MDFIC2: variants seen among roughly 807,000 people sequenced by gnomAD.
The protein encoded by MDFIC2 is MyoD family inhibitor domain containing 2, also known as myoD family inhibitor domain-containing protein 2.
chr3:70,265,672 C>T (rs1701910710), intron 2 of MDFIC2, among the ~76,000 whole-genome samples: 1 of 152,188 alleles, frequency 6.6e-6, no homozygotes, highest in Non-Finnish European at 1.5e-5. Context: ...ATGTATTAGT[C>T]CATTCTCACA....
intron 2 of MDFIC2, among the ~76,000 whole-genome samples, chr3:70,242,981 C>T (rs944818643): frequency 1.3e-5 from 2 of 152,164 alleles, no homozygotes; most frequent in Non-Finnish European, 2.9e-5. Flanking sequence ...AACCTAAATA[C>T]TAATTTCCCA....
At chr3:70,280,666 A>G (rs943585105) in intron 2 of MDFIC2, among the ~76,000 whole-genome samples, 1 of 152,130 alleles carries the variant, frequency 6.6e-6, no homozygotes, top group South Asian at 2.1e-4. Flanking sequence ...GGCTGGCCAT[A>G]GAAACTAGAA....
At chr3:70,209,423 T>C (rs1701321008) in intron 2 of MDFIC2, among the ~76,000 whole-genome samples, 1 of 152,076 alleles carries the variant, frequency 6.6e-6, no homozygotes, top group African/African-American at 2.4e-5. Flanking sequence ...TATGTCAAGT[T>C]CTATGTTACC....
At chr3:70,312,495 C>G (rs1337473276) in intron 1 of MDFIC2, 56 bp downstream of exon 1, 1 of 152,250 alleles carries the variant, frequency 6.6e-6, no homozygotes, top group Non-Finnish European at 1.5e-5. Context: ...GTGCACTTGA[C>G]TTTCATGGCT....
chr3:70,285,015 T>G (rs867624560), intron 2 of MDFIC2, among the ~76,000 whole-genome samples: 23 of 152,010 alleles, frequency 1.5e-4, no homozygotes, highest in Admixed American at 5.9e-4. Context: ...AAATTACCTA[T>G]TTTTTTATTT....
At chr3:70,259,438 TA>T (rs2106660067) in intron 2 of MDFIC2, among the ~76,000 whole-genome samples, 1 of 151,164 alleles carries the variant, frequency 6.6e-6, no homozygotes, top group African/African-American at 2.4e-5. Flanking sequence ...AGAAAGAAAG[TA>T]AGCACCAAAC....
At chr3:70,261,305 T>C (rs1395045453) in intron 2 of MDFIC2, among the ~76,000 whole-genome samples, 41 of 152,178 alleles carry the variant, frequency 2.7e-4, no homozygotes, top group Admixed American at 2.7e-3. Flanking sequence ...TTTCTCCTTA[T>C]TGCTCTCTTG....
chr3:70,220,883 G>A (rs1226595333), intron 2 of MDFIC2, among the ~76,000 whole-genome samples: 4 of 152,156 alleles, frequency 2.6e-5, no homozygotes, highest in African/African-American at 9.7e-5. Flanking sequence ...CCATCAGGGA[G>A]GGGAACCATG....
intron 2 of MDFIC2, among the ~76,000 whole-genome samples, chr3:70,277,068 A>T (rs1418697121): frequency 1.3e-5 from 2 of 152,158 alleles, no homozygotes; most frequent in African/African-American, 4.8e-5. Context: ...TGAAATCAGA[A>T]TTATTGAGAT....
chr3:70,198,288 A>C (rs1276226726), intron 3 of MDFIC2, among the ~76,000 whole-genome samples: 1 of 152,158 alleles, frequency 6.6e-6, no homozygotes, highest in African/African-American at 2.4e-5. Flanking sequence ...TTTCCCAATA[A>C]GAATGCTAAT....
intron 2 of MDFIC2, among the ~76,000 whole-genome samples, chr3:70,270,877 C>T (rs1034479963): frequency 2.6e-5 from 4 of 152,012 alleles, no homozygotes; most frequent in African/African-American, 4.8e-5. Flanking sequence ...CACACCAGGG[C>T]TTATCAGGGG....
chr3:70,213,270 T>C (rs2106730688), intron 2 of MDFIC2, among the ~76,000 whole-genome samples: 1 of 152,240 alleles, frequency 6.6e-6, no homozygotes, highest in East Asian at 1.9e-4. Flanking sequence ...CTACAAATTC[T>C]ATTGCCAAGT....
chr3:70,301,648 C>T (rs1340472773), intron 2 of MDFIC2, among the ~76,000 whole-genome samples: 2 of 151,990 alleles, frequency 1.3e-5, no homozygotes, highest in Non-Finnish European at 2.9e-5. Context: ...ACATATTGGT[C>T]TAACAAATTA....
chr3:70,286,914 T>C (rs565827802), intron 2 of MDFIC2, among the ~76,000 whole-genome samples: 11 of 151,942 alleles, frequency 7.2e-5, no homozygotes, highest in Admixed American at 7.2e-4. Flanking sequence ...TTTTGTATCC[T>C]GAGACTTTGC....
chr3:70,231,708 C>G (rs1363530375), intron 2 of MDFIC2, among the ~76,000 whole-genome samples: 3 of 152,078 alleles, frequency 2.0e-5, no homozygotes, highest in Admixed American at 1.3e-4. Flanking sequence ...GACAGAGATA[C>G]ACGGAGAGAA....
At chr3:70,274,196 G>A (rs2106674762) in intron 2 of MDFIC2, among the ~76,000 whole-genome samples, 1 of 151,780 alleles carries the variant, frequency 6.6e-6, no homozygotes, top group Middle Eastern at 3.4e-3. Context: ...GGATGTGAGT[G>A]TTTGTGTGTT....
intron 2 of MDFIC2, among the ~76,000 whole-genome samples, chr3:70,285,190 A>C (rs189260218): frequency 7.0e-6 from 1 of 143,258 alleles, no homozygotes; most frequent in Non-Finnish European, 1.5e-5. Context: ...TATACCTCCC[A>C]ATGCTATCCC....
chr3:70,231,895 G>C (rs901625439), intron 2 of MDFIC2, among the ~76,000 whole-genome samples: 1 of 152,180 alleles, frequency 6.6e-6, no homozygotes, highest in Non-Finnish European at 1.5e-5. Flanking sequence ...GTGCATGTGT[G>C]TCTGTTTTTC....
At chr3:70,288,245 T>A (rs1368168094) in intron 2 of MDFIC2, among the ~76,000 whole-genome samples, 2 of 130,752 alleles carry the variant, frequency 1.5e-5, no homozygotes, top group African/African-American at 3.0e-5. Flanking sequence ...TCCCAGAGAT[T>A]CTGGTATGTT....
Sources: gnomAD v4.1 joint callset for allele counts (sites outside exome capture counted in the v4.1 genomes callset) on GRCh38, gnomAD v4.1.1 for gene constraint, MANE v1.5 for transcripts, NCBI Gene and HGNC (gene_info 2026-07-23, HGNC 2026-07-21) for gene names.